Variants in SRCAP observed in about 807,000 individuals in gnomAD.
SRCAP encodes the protein chromatin remodeling protein SRCAP.
In SRCAP, 46 loss-of-function variants were observed where a neutral mutation model predicts 263.1. The ratio of observed to expected loss-of-function variants is 0.17; its 90% confidence interval spans 0.14 to 0.22. The LOEUF (loss-of-function observed/expected upper bound fraction) is 0.22, where lower values mean the gene tolerates loss of function less well. Among genes scored for constraint, SRCAP ranks in the 10% least tolerant of loss-of-function variants. The pLI, the probability that SRCAP is intolerant of heterozygous loss-of-function variation, is 1.00. For synonymous variants in SRCAP, 1,813 were observed against 1,662.1 expected, an observed-to-expected ratio of 1.09 and a Z score of -2.21; for missense variants, 3,695 against 4,181.9, an observed-to-expected ratio of 0.88 and a Z score of 3.21.
chr16:30,714,169 A>G lies in SRCAP; in HGVS notation c.2493+458A>G, dbSNP rs190881121. Among the ~76,000 whole-genome samples the G allele has an allele frequency of 2.3e-3, 348 of 148,108 alleles. 2 individuals carry two copies. The highest frequency in any genetic ancestry group is 7.7e-3 in the African/African-American group (305 of 39,868). ...AAGCTTTGCCTCCCAGGTTCATGCC[A>G]TTCTCCTGCTTCAGCCTCCCGAGTA... On this transcript the variant is annotated intron_variant, in intron 16 of 33. Coordinates refer to ENST00000262518, the MANE Select transcript of SRCAP (RefSeq NM_006662.3).
At chr16:30,710,371 C>T (rs773041242) in intron 8 of SRCAP, among the ~76,000 whole-genome samples, 4 of 152,060 alleles carry the variant, frequency 2.6e-5, no homozygotes, top group Non-Finnish European at 4.4e-5. Flanking sequence ...GCTGTGTGGT[C>T]TTGAAAAAGT....
Position 30,724,510 on chromosome 16 carries a change from C to T in SRCAP, c.5086C>T (p.Pro1696Ser). 1 of 1,614,184 alleles carries T rather than the reference C, an allele frequency of 6.2e-7. No individual in the cohort carries two copies. Among genetic ancestry groups the T allele is most frequent in the Non-Finnish European group, 8.5e-7 (1 of 1,180,030 alleles). Residue 1696 changes from proline to serine, a missense_variant, in exon 25 of 34, where the codon CCA becomes TCA. Physicochemically the swap from Pro to Ser is moderately conservative, Grantham distance 74. Around this residue, in one of 12 missense-constraint regions of SRCAP, gnomAD observed 1,347 missense variants for 1,304.4 expected, o/e 1.03. Coordinates refer to ENST00000262518, the MANE Select transcript of SRCAP (RefSeq NM_006662.3). ...ALAPTLGGSSPSQTLSLGTGN... is the reference protein window; with the variant it reads ...ALAPTLGGSSSSQTLSLGTGN... Reference sequence around the variant, plus strand: ...AGCACCCACTCTTGGAGGCTCATCTCCATCTCAGACACTCTCTTTGGGAAC... The same window carrying T: ...AGCACCCACTCTTGGAGGCTCATCTTCATCTCAGACACTCTCTTTGGGAAC...
intron 31 of SRCAP, 104 bp downstream of exon 31, chr16:30,734,719 T>G: frequency 6.5e-6 from 10 of 1,527,266 alleles, no homozygotes; most frequent in Non-Finnish European, 8.9e-6. Flanking sequence ...ATGTTTCTTC[T>G]GCTTCCCAGA....
At chr16:30,699,450 G>C (rs1434348219) in intron 1 of SRCAP, among the ~76,000 whole-genome samples, 3 of 152,132 alleles carry the variant, frequency 2.0e-5, no homozygotes, top group Non-Finnish European at 4.4e-5. Context: ...TTGTATTTGG[G>C]GAAGTGTCTC....
At chr16:30,705,261 C>CTGGTGA (rs975868590) in intron 4 of SRCAP, among the ~76,000 whole-genome samples, 1 of 152,180 alleles carries the variant, frequency 6.6e-6, no homozygotes, top group Non-Finnish European at 1.5e-5. Flanking sequence ...GATGATGCCA[C>CTGGTGA]TGCACACCAG....
At position 30,722,720 on chromosome 16, in the gene SRCAP, C is replaced by T. The variant is rs200348413; in HGVS notation, c.3864C>T (p.Gly1288=). 6.8e-5 allele frequency: 109 copies of T among 1,613,076 alleles called. No individual in the cohort carries two copies. Among genetic ancestry groups the T allele is most frequent in the Non-Finnish European group, 8.8e-5 (104 of 1,179,422 alleles). The change falls in exon 23 of 34, where the codon GGC becomes GGT. Residue 1288 remains glycine, a synonymous_variant. Coordinates refer to ENST00000262518, the MANE Select transcript of SRCAP (RefSeq NM_006662.3). Reference sequence around the variant, plus strand: ...CCAGCACCACCCCTGCCCCTACTGGCCTCAGCCTTCCGCTTGCTGCTAACC... The same window carrying T: ...CCAGCACCACCCCTGCCCCTACTGGTCTCAGCCTTCCGCTTGCTGCTAACC... ...STPSTTPAPT[G]LSLPLAANQV... is the part of the protein sequence containing the mutation.
rs760443794 is a variant in SRCAP, at chr16:30,704,164, C to T, written c.155C>T (p.Ala52Val). 2.5e-6 allele frequency: 4 copies of T among 1,614,218 alleles called. No individual in the cohort carries two copies. The highest frequency in any genetic ancestry group is 2.5e-6 in the Non-Finnish European group (3 of 1,180,046). Reference sequence around the variant, plus strand: ...GGCGGCATCTCCCCGCAGCACATAGCTCAAGATTCCTCACTGGATGGACCT... The same window carrying T: ...GGCGGCATCTCCCCGCAGCACATAGTTCAAGATTCCTCACTGGATGGACCT... ...GAGGISPQHI[A>V]QDSSLDGPPG... The change falls in exon 4 of 34, where the codon GCT becomes GTT. Residue 52 changes from alanine to valine, a missense_variant. Physicochemically the swap from Ala to Val is moderately conservative, Grantham distance 64. This residue lies in a region of SRCAP where 122 missense variants were observed against 116.9 expected (regional missense o/e 1.04). Coordinates refer to ENST00000262518, the MANE Select transcript of SRCAP (RefSeq NM_006662.3).
rs1596643623 is a variant in SRCAP at position 30,707,574 on chromosome 16, G to C, written c.495G>C (p.Val165=). Residue 165 remains valine, a splice_region_variant and synonymous_variant, in exon 6 of 34, where the codon GTG becomes GTC. Transcript: ENST00000262518. ...RRWKRGVARK[V]VRMVIRHHEE... ...ACCCTGGGTCTTCATTCCCACAGGT[G>C]GTGCGCATGGTGATCCGGCACCACG... The C allele has an allele frequency of 6.2e-7, 1 of 1,612,938 alleles. No homozygotes were observed.
Position 30,738,033 on chromosome 16 carries a change from C to G in SRCAP, c.7993C>G (p.Gln2665Glu), listed in dbSNP as rs587784444. 2 of 1,614,034 alleles carry G rather than the reference C, an allele frequency of 1.2e-6. No individual in the cohort carries two copies. Among genetic ancestry groups the G allele is most frequent in the Non-Finnish European group, 1.7e-6 (2 of 1,180,046 alleles). ...CTCAGCAGCATCTGATGAGCCACTT[C>G]AGGAGCCACTGGAGGCTGACAGGAC... ...PPSAASDEPL[Q>E]EPLEADRTSE... Residue 2665 changes from glutamine (Q) to glutamate (E), a missense_variant, in exon 34 of 34, where the codon CAG (glutamine) becomes GAG (glutamate). Coordinates refer to ENST00000262518, the MANE Select transcript of SRCAP (RefSeq NM_006662.3).
chr16:30,723,248 G>A lies in SRCAP; in HGVS notation c.4159+19G>A. 6.3e-7 allele frequency: 1 copy of A among 1,578,386 alleles called. No homozygotes were observed. The highest frequency in any genetic ancestry group is 8.6e-7 in the Non-Finnish European group (1 of 1,159,894). On this transcript the variant is annotated intron_variant, in intron 24 of 33. Transcript: ENST00000262518. ...GTCAGTGGTGAGTCCAGGTGGCTGA[G>A]GCCAGAAATCCTTGCCAGGAATGGA... is the stretch of plus-strand genomic sequence containing the variant.
At chr16:30,736,737 A>G in intron 33 of SRCAP, 113 bp downstream of exon 33, 3 of 1,149,872 alleles carry the variant, frequency 2.6e-6, no homozygotes, top group East Asian at 2.5e-5. Flanking sequence ...CAGTGGCACA[A>G]TCTCGGGTCA....
chr16:30,738,801 C>A lies in SRCAP; in HGVS notation c.8761C>A (p.Pro2921Thr). 3 of 1,613,804 alleles carry A rather than the reference C, an allele frequency of 1.9e-6. No individual in the cohort carries two copies. The highest frequency in any genetic ancestry group is 2.5e-6 in the Non-Finnish European group (3 of 1,179,858). The change falls in exon 34 of 34, where the codon CCC becomes ACC. Residue 2921 changes from proline (P) to threonine (T), a missense_variant. Pro to Thr is a conservative substitution (Grantham distance 38). Transcript: ENST00000262518. ...TATTCCTGGGCCCCAGCCTCTTGGACCCCAGCCAGTTCACAGACCCAATCC... is the reference window on the plus strand; with the variant it reads ...TATTCCTGGGCCCCAGCCTCTTGGAACCCAGCCAGTTCACAGACCCAATCC... Reference protein sequence around the residue: ...QLIPGPQPLGPQPVHRPNPLL... With the variant: ...QLIPGPQPLGTQPVHRPNPLL...
At position 30,739,711 on chromosome 16, in the gene SRCAP, G is replaced by C. The variant is rs2053205973; in HGVS notation, c.9671G>C (p.Arg3224Thr). The C allele has an allele frequency of 6.7e-7, 1 of 1,498,714 alleles. No individual in the cohort carries two copies. The allele number at this position is 1,498,714 out of a possible 1,614,324, so 92.8% of individuals were successfully genotyped here. The change falls in exon 34 of 34, where the codon AGA (arginine) becomes ACA (threonine). Residue 3224 changes from arginine to threonine, a missense_variant. By Grantham distance (71) the Arg-to-Thr change is moderately conservative. Transcript: ENST00000262518. ...PSLAGPAVSH[R>T]GRKAKT ...CTGGCTGGCCCTGCTGTTAGTCACA[G>C]AGGCCGCAAGGCCAAGACGTGAGTG...
At position 30,713,571 on chromosome 16, in the gene SRCAP, C is replaced by G. The variant is rs759555906; in HGVS notation, c.2353C>G (p.Leu785Val). Residue 785 changes from leucine to valine, a missense_variant, in exon 16 of 34, where the codon CTG becomes GTG. This residue lies in a region of SRCAP where 121 missense variants were observed against 330.7 expected (regional missense o/e 0.37). Transcript: ENST00000262518. ...GTPLQNSLMELWSLMHFLMPH... is the reference protein window; with the variant it reads ...GTPLQNSLMEVWSLMHFLMPH... ...TCCCTTGCAGAACAGCCTCATGGAGCTGTGGTCCTTGATGCACTTTTTGAT... is the reference window on the plus strand; with the variant it reads ...TCCCTTGCAGAACAGCCTCATGGAGGTGTGGTCCTTGATGCACTTTTTGAT... The G allele has an allele frequency of 9.9e-6, 16 of 1,614,094 alleles. No homozygotes were observed. The highest frequency in any genetic ancestry group is 1.4e-5 in the Non-Finnish European group (16 of 1,180,040).
chr16:30,739,560 G>C lies in SRCAP; in HGVS notation c.9520G>C (p.Ala3174Pro). Residue 3174 changes from alanine (A) to proline (P), a missense_variant, in exon 34 of 34, where the codon GCT becomes CCT. By Grantham distance (27) the Ala-to-Pro change is conservative (BLOSUM62 -1). This residue lies in a region of SRCAP where 1,207 missense variants were observed against 1,142.9 expected (regional missense o/e 1.06). Coordinates refer to ENST00000262518, the MANE Select transcript of SRCAP (RefSeq NM_006662.3). Reference sequence around the variant, plus strand: ...TGAGGGTTCAGTAGAGGAGTCTGAGGCTGAAGCCTCAGGTGAGGAGGAGGA... The same window carrying C: ...TGAGGGTTCAGTAGAGGAGTCTGAGCCTGAAGCCTCAGGTGAGGAGGAGGA... ...GPEGSVEESE[A>P]EASGEEEEGD... 1 of 1,608,980 alleles carries C rather than the reference G, an allele frequency of 6.2e-7. No homozygotes were observed. The highest frequency in any genetic ancestry group is 8.5e-7 in the Non-Finnish European group (1 of 1,177,870).
In SRCAP at chr16:30,723,983, C is replaced by T; in HGVS notation, c.4559C>T (p.Thr1520Ile). ...GCTCCATCCCTGTCTTCATCTCAGA[C>T]ACCTGGTCACCCTCTGTTGTTGGCT... ...ATAPSLSSSQ[T>I]PGHPLLLAPT... Residue 1520 changes from threonine to isoleucine, a missense_variant, in exon 25 of 34, where the codon ACA (threonine) becomes ATA (isoleucine). Coordinates refer to ENST00000262518, the MANE Select transcript of SRCAP (RefSeq NM_006662.3). 5.6e-6 allele frequency: 9 copies of T among 1,614,194 alleles called. No individual in the cohort carries two copies. Among genetic ancestry groups the T allele is most frequent in the Non-Finnish European group, 7.6e-6 (9 of 1,180,042 alleles).
Position 30,713,679 on chromosome 16 carries a change from T to C in SRCAP, c.2461T>C (p.Tyr821His). The part of the protein sequence containing the change: ...LTGMIEGSQE[Y>H]NEGLVKRLHK... ...TGGCATGATTGAGGGCAGCCAAGAG[T>C]ATAATGAAGGTCTAGTCAAACGCCT... is the stretch of plus-strand genomic sequence containing the variant. Residue 821 changes from tyrosine (Y) to histidine (H), a missense_variant, in exon 16 of 34, where the codon TAT (tyrosine) becomes CAT (histidine). Around this residue, in one of 12 missense-constraint regions of SRCAP, gnomAD observed 121 missense variants for 330.7 expected, o/e 0.37. Transcript: ENST00000262518. The C allele has an allele frequency of 6.2e-7, 1 of 1,613,772 alleles. No homozygotes were observed. The highest frequency in any genetic ancestry group is 8.5e-7 in the Non-Finnish European group (1 of 1,179,956).
Position 30,723,009 on chromosome 16 carries a change from G to T in SRCAP, c.3939G>T (p.Val1313=). 6.2e-7 allele frequency: 1 copy of T among 1,613,982 alleles called. No individual in the cohort carries two copies. The highest frequency in any genetic ancestry group is 8.5e-7 in the Non-Finnish European group (1 of 1,179,984). The change falls in exon 24 of 34, where the codon GTG becomes GTT. Residue 1313 remains valine, a synonymous_variant. Coordinates refer to ENST00000262518, the MANE Select transcript of SRCAP (RefSeq NM_006662.3). ...ATACAGGCGTGGTGAAGATTGTAGTGAGACAAGCCCCTCGGGATGGACTGA... is the reference window on the plus strand; with the variant it reads ...ATACAGGCGTGGTGAAGATTGTAGTTAGACAAGCCCCTCGGGATGGACTGA... ...VNNTGVVKIV[V]RQAPRDGLTP...
chr16:30,712,896 TCTC>T (rs1396877937), intron 14 of SRCAP, 81 bp downstream of exon 14: 48 of 1,514,864 alleles, frequency 3.2e-5, no homozygotes, highest in Non-Finnish European at 4.0e-5. Flanking sequence ...AATTCCTTTC[TCTC>T]CTCTTTCTTT....
Sources: allele counts gnomAD v4.1 joint callset (sites outside exome capture counted in the v4.1 genomes callset), GRCh38; gene constraint gnomAD v4.1.1; regional missense constraint gnomAD v4.1.1; transcripts MANE v1.5; gene names NCBI Gene and HGNC (gene_info 2026-07-23, HGNC 2026-07-21).